Variants in ZNF66 observed in about 807,000 individuals in gnomAD.
The protein encoded by ZNF66 is zinc finger protein 66.
Under a neutral mutation model 35.2 loss-of-function variants are expected in ZNF66, and 32 were observed. The ratio of observed to expected loss-of-function variants is 0.91; its 90% CI spans 0.69 to 1.22. ZNF66 has a LOEUF of 1.22. Ranked by LOEUF, ZNF66 falls within the 50% of genes most tolerant of loss-of-function variation. ZNF66 has a pLI of 0.00. For synonymous variants in ZNF66, 231 were observed against 181.3 expected (o/e 1.27, Z -2.20); for missense variants, 666 against 543.1 (o/e 1.23, Z -2.25).
At chr19:20,788,154 A>G (rs1310157186) in intron 1 of ZNF66, among the ~76,000 whole-genome samples, 3 of 152,102 alleles carry the variant, frequency 2.0e-5, no homozygotes, top group Non-Finnish European at 2.9e-5. Flanking sequence ...GATGATAAAG[A>G]AGGAGGAGAT....
chr19:20,790,571 T>C (rs1971327627), intron 1 of ZNF66, among the ~76,000 whole-genome samples: 1 of 133,388 alleles, frequency 7.5e-6, no homozygotes, highest in African/African-American at 2.8e-5. Context: ...CTCCTGAATC[T>C]CTTCTGTTTT....
chr19:20,799,593 GTATTT>G (rs1971429205), intron 3 of ZNF66, among the ~76,000 whole-genome samples: 1 of 151,924 alleles, frequency 6.6e-6, no homozygotes, highest in South Asian at 2.1e-4. Context: ...TTATGTCTAA[GTATTT>G]TATTTAAAAT....
rs1443283079 is a variant in ZNF66, at chr19:20,806,866, G to A, written c.1266G>A (p.Glu422=). The A allele has an allele frequency of 1.5e-6, 2 of 1,352,710 alleles. No individual in the cohort carries two copies. The highest frequency in any genetic ancestry group is 1.1e-6 in the Non-Finnish European group (1 of 944,150). 83.8% of individuals were successfully genotyped at this position (1,352,710 alleles called of 1,614,324 possible). A position where few individuals can be genotyped will look rare whatever the true frequency, so the allele number is the denominator to read the frequency against. The change falls in exon 4 of 4, where the codon GAG becomes GAA. Residue 422 remains glutamate, a synonymous_variant. Coordinates refer to ENST00000344519, the MANE Select transcript of ZNF66 (RefSeq NM_001355197.2). ...AACATAAGAGAATTCATACTGGAGA[G>A]AAACCCTACAAATGTGAAGAATGTG... ...LSKHKRIHTG[E]KPYKCEECGK...
chr19:20,785,749 C>CTT (rs1568494637), intron 1 of ZNF66, among the ~76,000 whole-genome samples: 1 of 148,334 alleles, frequency 6.7e-6, no homozygotes, highest in African/African-American at 2.5e-5. Flanking sequence ...TCTTCTTTTT[C>CTT]TGTTTTTGTT....
intron 3 of ZNF66, 91 bp downstream of exon 3, chr19:20,793,969 G>T: frequency 3.1e-6 from 2 of 644,302 alleles, no homozygotes; most frequent in Non-Finnish European, 5.2e-6. Context: ...GATTCTGGAA[G>T]CTGTGTTCCA....
chr19:20,805,969 TA>T lies in ZNF66; in HGVS notation c.372del (p.Val125CysfsTer13). The T allele has an allele frequency of 1.3e-6, 1 of 748,422 alleles. No individual in the cohort carries two copies. Among genetic ancestry groups the T allele is most frequent in the Non-Finnish European group, 2.3e-6 (1 of 426,090 alleles). 46.4% of individuals were successfully genotyped at this position (748,422 alleles called of 1,614,324 possible). A position where few individuals can be genotyped will look rare whatever the true frequency, so the allele number is the denominator to read the frequency against. On this transcript the variant is annotated frameshift_variant, in exon 4 of 4. Transcript: ENST00000344519. LOFTEE classifies it high-confidence loss of function. The stretch of plus-strand genomic sequence containing the variant: ...AAGGCTGTGAAAGTGTGGATAAGTG[TA>T]AAGTGCACAAAAGAGGTTATAATGG... ...KKGCESVDKC[K>X]VHKRGYNGLN...
At position 20,808,111 on chromosome 19, in the gene ZNF66, G is replaced by A. The variant is rs936646772; in HGVS notation, c.*789G>A. Among the ~76,000 whole-genome samples, 5 of 152,154 alleles carry A rather than the reference G, an allele frequency of 3.3e-5. No individual in the cohort carries two copies. Among genetic ancestry groups the A allele is most frequent in the Admixed American group, 6.5e-5 (1 of 15,278 alleles). Reference sequence around the variant, plus strand: ...GCCCATGGAGTCTCACTGATTGCTAGCACAGCAGTCTGAGATCAAACTGCA... The same window carrying A: ...GCCCATGGAGTCTCACTGATTGCTAACACAGCAGTCTGAGATCAAACTGCA... On this transcript the variant is annotated 3_prime_UTR_variant, in exon 4 of 4. Coordinates refer to ENST00000344519, the MANE Select transcript of ZNF66 (RefSeq NM_001355197.2).
chr19:20,784,792 T>C (rs1971272909), intron 1 of ZNF66: 1 of 152,178 alleles, frequency 6.6e-6, no homozygotes, highest in South Asian at 2.1e-4. Flanking sequence ...AGAAATTTAT[T>C]TTAGGAGAAT....
chr19:20,805,305 T>C (rs985265020), intron 3 of ZNF66, among the ~76,000 whole-genome samples: 2 of 152,140 alleles, frequency 1.3e-5, no homozygotes, highest in African/African-American at 4.8e-5. Context: ...AGCAATTCTC[T>C]GCCTCAGCCT....
intron 1 of ZNF66, among the ~76,000 whole-genome samples, chr19:20,786,866 GTTC>G (rs1297103783): frequency 2.6e-4 from 40 of 152,126 alleles, no homozygotes; most frequent in African/African-American, 8.4e-4. Context: ...GGTTAAAGCA[GTTC>G]TTCTGTCTCA....
At chr19:20,787,050 T>A (rs370507422) in intron 1 of ZNF66, among the ~76,000 whole-genome samples, 26 of 152,276 alleles carry the variant, frequency 1.7e-4, no homozygotes, top group African/African-American at 6.3e-4. Context: ...CTTGAGCCAC[T>A]GAGCCTGGCC....
chr19:20,805,785 A>C (rs771086573), intron 3 of ZNF66, 42 bp from the exon 4 acceptor site: 1 of 517,776 alleles, frequency 1.9e-6, no homozygotes, highest in Non-Finnish European at 3.5e-6. Context: ...TATTTATCTG[A>C]GTCTAGCAAG....
At chr19:20,795,028 C>A (rs951492353) in intron 3 of ZNF66, among the ~76,000 whole-genome samples, 3 of 151,802 alleles carry the variant, frequency 2.0e-5, no homozygotes, top group Admixed American at 6.6e-5. Context: ...TTCACCACAA[C>A]ACCCAGCTAC....
At chr19:20,796,490 T>G (rs1212495468) in intron 3 of ZNF66, among the ~76,000 whole-genome samples, 1 of 152,104 alleles carries the variant, frequency 6.6e-6, no homozygotes, top group African/African-American at 2.4e-5. Flanking sequence ...ATTTTCATCT[T>G]TTTTTTAGCC....
intron 3 of ZNF66, among the ~76,000 whole-genome samples, chr19:20,794,925 GCAA>G (rs1306640262): frequency 1.4e-5 from 2 of 141,548 alleles, no homozygotes; most frequent in Non-Finnish European, 3.0e-5. Context: ...AGGCTAAAGT[GCAA>G]TGGTGTGATT....
chr19:20,802,058 C>T (rs1971453082), intron 3 of ZNF66, among the ~76,000 whole-genome samples: 2 of 152,090 alleles, frequency 1.3e-5, no homozygotes, highest in East Asian at 3.9e-4. Context: ...AATATATGTG[C>T]TGCCTTCTGT....
At chr19:20,778,782 CAAA>C (rs561812056) in intron 1 of ZNF66, among the ~76,000 whole-genome samples, 8 of 85,384 alleles carry the variant, frequency 9.4e-5, no homozygotes, top group Admixed American at 2.5e-4. Flanking sequence ...GACTTCGTCT[CAAA>C]AAAAAAAAAA....
In ZNF66 at chr19:20,807,329, C is replaced by T; in HGVS notation, c.*7C>T. 2 of 626,760 alleles carry T rather than the reference C, an allele frequency of 3.2e-6. No individual in the cohort carries two copies. The highest frequency in any genetic ancestry group is 2.8e-5 in the Admixed American group (1 of 35,780). 38.8% of individuals were successfully genotyped at this position (626,760 alleles called of 1,614,324 possible). A position where few individuals can be genotyped will look rare whatever the true frequency, so the allele number is the denominator to read the frequency against. The stretch of plus-strand genomic sequence containing the variant: ...AAATGTGGCAAAGCCTTAGACACTC[C>T]TCTACCCTTACTAGACATAAGATAA... On this transcript the variant is annotated 3_prime_UTR_variant, in exon 4 of 4. Coordinates refer to ENST00000344519, the MANE Select transcript of ZNF66 (RefSeq NM_001355197.2).
intron 1 of ZNF66, among the ~76,000 whole-genome samples, 187 bp downstream of exon 1, chr19:20,776,637 G>T (rs1971197361): frequency 6.6e-6 from 1 of 152,152 alleles, no homozygotes; most frequent in Non-Finnish European, 1.5e-5. Flanking sequence ...GCTTCCCCGC[G>T]CAGTGACTGT....
Sources: allele counts gnomAD v4.1 joint callset (sites outside exome capture counted in the v4.1 genomes callset), GRCh38; gene constraint gnomAD v4.1.1; transcripts MANE v1.5; gene names NCBI Gene and HGNC (gene_info 2026-07-23, HGNC 2026-07-21).